The following RIMS2 variants were observed in gnomAD, a reference collection of about 807,000 sequenced individuals.
The protein encoded by RIMS2 is regulating synaptic membrane exocytosis protein 2.
Under a neutral mutation model 174.4 loss-of-function variants are expected in RIMS2, and 59 were observed. The observed-to-expected ratio is 0.34, with a 90% CI of 0.27 to 0.42. RIMS2 has a LOEUF of 0.42. RIMS2 is among the 10% of genes least tolerant of loss of function. RIMS2 has a pLI of 1.00. For synonymous variants in RIMS2, 606 were observed against 572.5 expected, an observed-to-expected ratio of 1.06 and a Z score of -0.84; for missense variants, 1,620 against 1,666.3, an observed-to-expected ratio of 0.97 and a Z score of 0.48.
intron 22 of RIMS2, among the ~76,000 whole-genome samples, chr8:104,250,821 G>A (rs1449542400): frequency 6.6e-6 from 1 of 152,068 alleles, no homozygotes; most frequent in African/African-American, 2.4e-5. Context: ...AAACTCAGAG[G>A]TTATGTCAGC....
chr8:103,519,706 T>C (rs1353500219), intron 1 of RIMS2, among the ~76,000 whole-genome samples: 1 of 151,322 alleles, frequency 6.6e-6, no homozygotes, highest in Non-Finnish European at 1.5e-5. Flanking sequence ...CTCAGATCTC[T>C]CAGTACATGT....
intron 1 of RIMS2, among the ~76,000 whole-genome samples, chr8:103,636,255 C>G (rs2096071101): frequency 1.3e-5 from 2 of 152,138 alleles, no homozygotes; most frequent in South Asian, 2.1e-4. Context: ...GCTCAGTGCC[C>G]TGGAGTCAGT....
exon 1 of RIMS2, chr8:103,500,748 G>T (rs549933039): frequency 3.7e-6 from 2 of 544,564 alleles, no homozygotes; most frequent in South Asian, 5.0e-5. Flanking sequence ...GGGGAGGGGG[G>T]CTGTCGCCTT....
intron 19 of RIMS2, among the ~76,000 whole-genome samples, chr8:104,139,341 G>A (rs550199223): frequency 6.6e-6 from 1 of 152,168 alleles, no homozygotes; most frequent in African/African-American, 2.4e-5. Flanking sequence ...TGAATCTGTA[G>A]ATTGCTTTGG....
In RIMS2 at chr8:103,687,213, A is replaced by G. The variant is rs1404167371; in HGVS notation, c.177-9873A>G. 2.6e-5 allele frequency among the ~76,000 whole-genome samples: 4 copies of G among 152,032 alleles called. No homozygotes were observed. In the East Asian group the frequency reaches 7.7e-4, roughly 29 times the overall value. On this transcript the variant is annotated intron_variant, in intron 1 of 23. Coordinates refer to ENST00000504942, the Ensembl canonical transcript of RIMS2. ...CTTTCAAAGAAAGACATACATACAT[A>G]TGGGCATATGGTTGCTTATAGTATT...
rs888423259 is a variant in RIMS2, at chr8:103,603,521, G to C, written c.177-93565G>C. On this transcript the variant is annotated intron_variant, in intron 1 of 23. Transcript: ENST00000504942. The stretch of plus-strand genomic sequence containing the variant: ...TCTTTGGGTATATACCCAGTAATGG[G>C]ATGGCTGGGTCAAGTGGTATTTCTA... 2.6e-5 allele frequency among the ~76,000 whole-genome samples: 4 copies of C among 152,070 alleles called. No individual in the cohort carries two copies. The South Asian group carries it at 6.2e-4, about 24-fold the overall frequency.
intron 19 of RIMS2, among the ~76,000 whole-genome samples, chr8:104,039,989 C>G: frequency 6.6e-6 from 1 of 151,404 alleles, no homozygotes; most frequent in Non-Finnish European, 1.5e-5. Context: ...TTCCAAATGT[C>G]ATTTCTTTTC....
chr8:103,749,506 G>T (rs2097860182), intron 2 of RIMS2, among the ~76,000 whole-genome samples: 1 of 151,988 alleles, frequency 6.6e-6, no homozygotes, highest in African/African-American at 2.4e-5. Context: ...TACATAGTAG[G>T]TGTATATATT....
intron 19 of RIMS2, among the ~76,000 whole-genome samples, chr8:104,073,373 G>A (rs1320483367): frequency 6.6e-6 from 1 of 152,100 alleles, no homozygotes; most frequent in Non-Finnish European, 1.5e-5. Flanking sequence ...TGGCCCCATA[G>A]CATTTCAACA....
chr8:104,130,677 G>A (rs1260049198), intron 19 of RIMS2, among the ~76,000 whole-genome samples: 1 of 152,138 alleles, frequency 6.6e-6, no homozygotes, highest in East Asian at 1.9e-4. Context: ...TCACATTACT[G>A]AGGAAAATGT....
intron 4 of RIMS2, among the ~76,000 whole-genome samples, chr8:103,895,466 T>A (rs1192242443): frequency 6.6e-6 from 1 of 151,502 alleles, no homozygotes. Flanking sequence ...TAATCTCTCT[T>A]GTGTTTCTTC....
chr8:104,251,818 T>C, exon 24 of RIMS2: 2 of 1,547,224 alleles, frequency 1.3e-6, no homozygotes, highest in South Asian at 2.3e-5. Flanking sequence ...CTCTCGTTCA[T>C]AGCAGCTGTA....
intron 1 of RIMS2, among the ~76,000 whole-genome samples, chr8:103,660,121 A>G (rs2096580205): frequency 6.6e-6 from 1 of 152,140 alleles, no homozygotes; most frequent in Admixed American, 6.5e-5. Flanking sequence ...CTCTCTGAAG[A>G]GCAGGTCTTC....
chr8:104,224,456 T>C (rs1304000324), intron 19 of RIMS2, among the ~76,000 whole-genome samples: 2 of 152,246 alleles, frequency 1.3e-5, no homozygotes, highest in Non-Finnish European at 2.9e-5. Flanking sequence ...CTTCATGAAC[T>C]TTCCTATAAG....
chr8:103,986,900 A>T (rs1016620666), intron 16 of RIMS2, among the ~76,000 whole-genome samples: 20 of 111,712 alleles, frequency 1.8e-4, no homozygotes, highest in African/African-American at 3.9e-4. Flanking sequence ...AAATAAAATT[A>T]AAAAAAAAAC....
chr8:103,869,488 C>G (rs1189562266), intron 3 of RIMS2, among the ~76,000 whole-genome samples: 2 of 152,018 alleles, frequency 1.3e-5, no homozygotes, highest in East Asian at 1.9e-4. Context: ...CCCACCACCA[C>G]GCCCAGCTAA....
intron 3 of RIMS2, among the ~76,000 whole-genome samples, chr8:103,827,544 A>G (rs1270794497): frequency 6.6e-6 from 1 of 152,214 alleles, no homozygotes; most frequent in Non-Finnish European, 1.5e-5. Flanking sequence ...TTTAAAAAAT[A>G]ATCACGAATG....
At chr8:103,504,959 C>A (rs777689416) in intron 1 of RIMS2, among the ~76,000 whole-genome samples, 23 of 148,984 alleles carry the variant, frequency 1.5e-4, no homozygotes, top group Non-Finnish European at 3.3e-4. Context: ...TCAAGCGATT[C>A]TCTCACCTCA....
At chr8:103,997,846 T>C (rs1034155572) in intron 17 of RIMS2, among the ~76,000 whole-genome samples, 1 of 151,658 alleles carries the variant, frequency 6.6e-6, no homozygotes, top group African/African-American at 2.4e-5. Context: ...TCTTAAACTT[T>C]CTGCTTATTT....
Sources: gnomAD v4.1 joint callset for allele counts (sites outside exome capture counted in the v4.1 genomes callset) on GRCh38, gnomAD v4.1.1 for gene constraint, MANE v1.5 for transcripts, NCBI Gene and HGNC (gene_info 2026-07-23, HGNC 2026-07-21) for gene names.